Variants in TEX15 observed in about 807,000 individuals in gnomAD.
TEX15 encodes testis-expressed protein 15.
A neutral mutation model predicts 237.3 loss-of-function variants in TEX15; 171 were observed. The observed-to-expected ratio is 0.72, with a 90% confidence interval of 0.64 to 0.82. TEX15 has a LOEUF of 0.82. Ranked by LOEUF, TEX15 falls within the 40% of genes least tolerant of loss-of-function variation. TEX15 has a pLI of 0.00. For missense variants in TEX15, 3,750 were observed against 3,646.5 expected (o/e 1.03, Z -0.73); for synonymous variants, 1,338 against 1,269.8 (o/e 1.05, Z -1.14).
chr8:30,890,590 G>T (rs58488800), intron 2 of TEX15: 1 of 151,994 alleles, frequency 6.6e-6, no homozygotes, highest in Non-Finnish European at 1.5e-5. Flanking sequence ...CATGACTCAC[G>T]TGGCCTCTCT....
In TEX15 at chr8:30,844,101, A is replaced by C. The variant is rs1339344471; in HGVS notation, c.6066T>G (p.Val2022=). ...SLQILQEETK[V]CLNILPLFVE... Reference sequence around the variant, plus strand: ...CAAATAAAGGGAGAATATTTAGACAAACCTTAGTTTCTTCCTGTAGAATCT... The same window carrying C: ...CAAATAAAGGGAGAATATTTAGACACACCTTAGTTTCTTCCTGTAGAATCT... Residue 2022 remains valine, a synonymous_variant, in exon 8 of 11, where the codon GTT becomes GTG. Coordinates refer to ENST00000643185, the MANE Select transcript of TEX15 (RefSeq NM_001350162.2). 1 of 1,613,084 alleles carries C rather than the reference A, an allele frequency of 6.2e-7. No homozygotes were observed. Among genetic ancestry groups the C allele is most frequent in the East Asian group, 2.2e-5 (1 of 44,874 alleles).
intron 3 of TEX15, among the ~76,000 whole-genome samples, chr8:30,876,007 G>C (rs937607483): frequency 2.0e-5 from 3 of 151,892 alleles, no homozygotes; most frequent in African/African-American, 7.3e-5. Flanking sequence ...GTAGAGATGG[G>C]GTCGCTATGT....
rs556217588 is a variant in TEX15 at position 30,874,027 on chromosome 8, A to C, written c.302+910T>G. ...AACCAAAGAACCGTGTCAGGAATTCATTTTTGATCAAAGTGTTTTTCAACT... is the reference window on the plus strand; with the variant it reads ...AACCAAAGAACCGTGTCAGGAATTCCTTTTTGATCAAAGTGTTTTTCAACT... On this transcript the variant is annotated intron_variant, in intron 4 of 10. Coordinates refer to ENST00000643185, the MANE Select transcript of TEX15 (RefSeq NM_001350162.2). 5.3e-5 allele frequency among the ~76,000 whole-genome samples: 8 copies of C among 152,288 alleles called. 1 individual carries two copies. Among genetic ancestry groups the C allele is most frequent in the African/African-American group, 1.2e-4 (5 of 41,570 alleles).
chr8:30,895,676 CTTTTTTTTT>C (rs34002027), intron 2 of TEX15, among the ~76,000 whole-genome samples: 4 of 60,048 alleles, frequency 6.7e-5, no homozygotes, highest in South Asian at 9.1e-4. Context: ...TAAACACATG[CTTTTTTTTT>C]TTTTTTTTTT....
chr8:30,881,364 T>C (rs16877463), intron 3 of TEX15, among the ~76,000 whole-genome samples: 17,636 of 152,118 alleles, frequency 0.12, 1,697 homozygotes, highest in African/African-American at 0.27. Context: ...CTTTCCTTTC[T>C]AACCATGAAT....
At position 30,848,969 on chromosome 8, in the gene TEX15, A is replaced by G. The variant is rs370909645; in HGVS notation, c.1198T>C (p.Trp400Arg). ...CTTAAAATATTTTTAAGACTTGTCC[A>G]ATTTAACAAAAGGTCACCATTAACA... ...DSVNGDLLLN[W>R]TSLKNILSGL... Residue 400 changes from tryptophan (W) to arginine (R), a missense_variant, in exon 8 of 11, where the codon TGG (tryptophan) becomes CGG (arginine). Transcript: ENST00000643185. 6.2e-7 allele frequency: 1 copy of G among 1,614,092 alleles called. No homozygotes were observed. The highest frequency in any genetic ancestry group is 8.5e-7 in the Non-Finnish European group (1 of 1,180,044).
intron 7 of TEX15, among the ~76,000 whole-genome samples, chr8:30,851,886 A>C (rs1807795382): frequency 6.6e-6 from 1 of 151,984 alleles, no homozygotes; most frequent in African/African-American, 2.4e-5. Context: ...GTGAGCCGAG[A>C]TGGCACCACT....
intron 1 of TEX15, among the ~76,000 whole-genome samples, chr8:30,904,440 C>A (rs1251644669): frequency 1.6e-5 from 2 of 124,178 alleles, no homozygotes; most frequent in Non-Finnish European, 3.3e-5. Flanking sequence ...GAGTGAGACT[C>A]CGTCTCAAAA....
intron 1 of TEX15, among the ~76,000 whole-genome samples, chr8:30,911,094 C>T (rs1167244296): frequency 5.3e-5 from 8 of 152,034 alleles, no homozygotes; most frequent in Admixed American, 3.3e-4. Context: ...GTGAACTCAA[C>T]GACATTTTAA....
Position 30,846,556 on chromosome 8 carries a change from T to G in TEX15, c.3611A>C (p.Asp1204Ala). The G allele has an allele frequency of 6.2e-7, 1 of 1,613,814 alleles. No homozygotes were observed. The highest frequency in any genetic ancestry group is 8.5e-7 in the Non-Finnish European group (1 of 1,179,758). ...TTCACCAAAAGGCTGGGAATAAATG[T>G]CAAATCCTAGAATTTCTCCATCTTC... The part of the protein sequence containing the change: ...NKEDGEILGF[D>A]IYSQPFGENA... The change falls in exon 8 of 11, where the codon GAC becomes GCC. Residue 1204 changes from aspartate to alanine, a missense_variant. By Grantham distance (126) the Asp-to-Ala change is moderately radical (BLOSUM62 -2). Transcript: ENST00000643185.
intron 3 of TEX15, among the ~76,000 whole-genome samples, chr8:30,876,951 G>C (rs1248488963): frequency 6.6e-6 from 1 of 152,066 alleles, no homozygotes; most frequent in Non-Finnish European, 1.5e-5. Context: ...TTCCCTCCTT[G>C]CTGAGCTCTT....
chr8:30,859,207 G>A (rs1807983029), intron 6 of TEX15, among the ~76,000 whole-genome samples: 1 of 151,790 alleles, frequency 6.6e-6, no homozygotes, highest in Non-Finnish European at 1.5e-5. Flanking sequence ...TCATTGGGAA[G>A]ATTTATCTTC....
At chr8:30,878,429 G>A (rs1035979786) in intron 3 of TEX15, among the ~76,000 whole-genome samples, 15 of 152,154 alleles carry the variant, frequency 9.9e-5, no homozygotes, top group African/African-American at 3.6e-4. Flanking sequence ...TGTTGCCCAG[G>A]CTAGAGTGCA....
chr8:30,896,275 C>A (rs1433712112), intron 2 of TEX15, among the ~76,000 whole-genome samples: 1 of 152,142 alleles, frequency 6.6e-6, no homozygotes, highest in Non-Finnish European at 1.5e-5. Context: ...GCAAAGAATG[C>A]ATGGCAGTAG....
At chr8:30,838,193 A>G in intron 9 of TEX15, 132 bp from the exon 10 acceptor site, 1 of 770,304 alleles carries the variant, frequency 1.3e-6, no homozygotes, top group Non-Finnish European at 1.9e-6. Context: ...TTCTATTGGC[A>G]CTATACAAGT....
chr8:30,899,812 G>C (rs1484906771), intron 1 of TEX15, among the ~76,000 whole-genome samples: 2 of 152,174 alleles, frequency 1.3e-5, no homozygotes, highest in African/African-American at 2.4e-5. Context: ...GGAGACAACA[G>C]AAAACTATAA....
At chr8:30,869,209 C>A (rs1376545347) in intron 4 of TEX15, among the ~76,000 whole-genome samples, 1 of 151,868 alleles carries the variant, frequency 6.6e-6, no homozygotes, top group African/African-American at 2.4e-5. Flanking sequence ...GGATCTAAAT[C>A]ACGATTTTAA....
At chr8:30,835,953 A>G (rs552749097) in intron 10 of TEX15, among the ~76,000 whole-genome samples, 1 of 152,196 alleles carries the variant, frequency 6.6e-6, no homozygotes, top group South Asian at 2.1e-4. Flanking sequence ...TTCCCACTTT[A>G]GTTTACTCTG....
intron 2 of TEX15, among the ~76,000 whole-genome samples, chr8:30,891,213 C>T (rs960160197): frequency 6.6e-6 from 1 of 152,080 alleles, no homozygotes; most frequent in African/African-American, 2.4e-5. Context: ...GTGAGGGCAC[C>T]GTCATGGGAA....
Sources: gnomAD v4.1 joint callset for allele counts (sites outside exome capture counted in the v4.1 genomes callset) on GRCh38, gnomAD v4.1.1 for gene constraint, MANE v1.5 for transcripts, NCBI Gene and HGNC (gene_info 2026-07-23, HGNC 2026-07-21) for gene names.